DMD: variants seen among roughly 807,000 people sequenced by gnomAD.
DMD encodes mutant dystrophin.
DMD carries 63 observed loss-of-function variants against 330.1 expected under a neutral mutation model. The observed-to-expected ratio is 0.19, with a 90% CI of 0.16 to 0.24. DMD has a LOEUF of 0.24. Ranked by LOEUF, DMD falls within the 10% of genes least tolerant of loss-of-function variation. DMD has a pLI of 1.00. For synonymous variants in DMD, 1,223 were observed against 959.8 expected (o/e 1.27, Z -5.07); for missense variants, 3,344 against 2,684.1 (o/e 1.25, Z -5.43).
At chrX:32,835,135 A>C (rs1040105653) in intron 4 of DMD, among the ~76,000 whole-genome samples, 2 of 112,068 alleles carry the variant, frequency 1.8e-5, no homozygotes, top group African/African-American at 6.5e-5. Context: ...ATATCCAAGG[A>C]AAGTTTAAAT....
intron 2 of DMD, among the ~76,000 whole-genome samples, chrX:33,010,782 G>A (rs990963306): frequency 9.1e-6 from 1 of 110,337 alleles, no homozygotes; most frequent in South Asian, 3.8e-4. Context: ...TTCCTCAGTG[G>A]GGTTTCCTCC....
intron 21 of DMD, among the ~76,000 whole-genome samples, chrX:32,472,979 T>A (rs1178126516): frequency 1.8e-5 from 2 of 110,817 alleles, no homozygotes; most frequent in African/African-American, 3.3e-5. Context: ...ATATGTATAA[T>A]TATATTAGGG....
chrX:31,436,234 G>A (rs1013742358), intron 60 of DMD, among the ~76,000 whole-genome samples: 6 of 111,911 alleles, frequency 5.4e-5, no homozygotes, highest in African/African-American at 1.6e-4. Context: ...AAACAAATTA[G>A]AAATTAGTAT....
At chrX:31,542,061 A>C (rs771832537) in intron 55 of DMD, among the ~76,000 whole-genome samples, 16 of 112,095 alleles carry the variant, frequency 1.4e-4, no homozygotes, top group Non-Finnish European at 2.6e-4. Context: ...TCTATGGGAC[A>C]ACACTGTTCT....
At chrX:31,542,855 C>A (rs2073909529) in intron 55 of DMD, among the ~76,000 whole-genome samples, 1 of 112,889 alleles carries the variant, frequency 8.9e-6, no homozygotes, top group African/African-American at 3.2e-5. Flanking sequence ...GGGGCCACTG[C>A]GAATAGAGGG....
chrX:31,306,376 T>A (rs1312851505), intron 62 of DMD, among the ~76,000 whole-genome samples: 1 of 111,671 alleles, frequency 9.0e-6, no homozygotes, highest in Admixed American at 9.5e-5. Context: ...GCATACATAT[T>A]ATTTTATAAC....
intron 62 of DMD, among the ~76,000 whole-genome samples, chrX:31,289,755 GAAGT>G (rs1488153759): frequency 2.7e-5 from 3 of 110,932 alleles, no homozygotes; most frequent in Non-Finnish European, 3.8e-5. Context: ...AAAATTAAAT[GAAGT>G]AATATATGCA....
At position 32,365,124 on chromosome X, in the gene DMD, C is replaced by T; in HGVS notation, c.4921G>A (p.Val1641Ile). Residue 1641 changes from valine to isoleucine, a missense_variant, in exon 35 of 79, where the codon GTT becomes ATT. By Grantham distance (29) the Val-to-Ile change is conservative (BLOSUM62 3). Transcript: ENST00000357033. Reference protein sequence around the residue: ...ITEVGEALKTVLGKKETLVED... With the variant: ...ITEVGEALKTILGKKETLVED... ...ACCAACGTCTCCTTCTTGCCCAAAACTGTTTTCAAGGCCTCTCCTACCTCT... is the reference window on the plus strand; with the variant it reads ...ACCAACGTCTCCTTCTTGCCCAAAATTGTTTTCAAGGCCTCTCCTACCTCT... The T allele has an allele frequency of 1.7e-6, 2 of 1,211,052 alleles. No homozygotes were observed. Among genetic ancestry groups the T allele is most frequent in the Non-Finnish European group, 2.2e-6 (2 of 895,182 alleles).
chrX:32,885,042 T>C (rs2084383381), intron 2 of DMD, among the ~76,000 whole-genome samples: 1 of 111,942 alleles, frequency 8.9e-6, no homozygotes, highest in African/African-American at 3.2e-5. Context: ...CTTGCCAGAT[T>C]TGTAGGGATC....
intron 51 of DMD, among the ~76,000 whole-genome samples, chrX:31,757,814 C>T (rs182517477): frequency 2.7e-4 from 30 of 110,861 alleles, no homozygotes; most frequent in Admixed American, 2.3e-3. Context: ...TGGAAATTCC[C>T]GTGGCTAAAG....
intron 43 of DMD, among the ~76,000 whole-genome samples, chrX:32,227,520 G>A (rs148112768): frequency 0.011 from 1,178 of 106,510 alleles, 14 homozygotes; most frequent in African/African-American, 0.038. Context: ...GTACACATGC[G>A]CACAGAGTGT....
chrX:31,637,965 A>C (rs1024105742), intron 54 of DMD, among the ~76,000 whole-genome samples: 7 of 111,570 alleles, frequency 6.3e-5, no homozygotes, highest in Non-Finnish European at 1.1e-4. Flanking sequence ...CTTTCATCAA[A>C]TTTTATATTA....
intron 30 of DMD, among the ~76,000 whole-genome samples, chrX:32,398,513 G>T (rs775655662): frequency 7.3e-5 from 8 of 110,037 alleles, no homozygotes; most frequent in African/African-American, 2.6e-4. Flanking sequence ...CAAAAAAGTG[G>T]GTCAAAAATC....
intron 9 of DMD, among the ~76,000 whole-genome samples, chrX:32,684,020 C>CATACAT (rs1340774479): frequency 1.4e-5 from 1 of 73,562 alleles, no homozygotes; most frequent in Non-Finnish European, 2.3e-5. Context: ...CACATACATA[C>CATACAT]ACACACACAC....
intron 7 of DMD, among the ~76,000 whole-genome samples, chrX:32,740,251 G>A (rs2069072550): frequency 9.1e-6 from 1 of 110,319 alleles, no homozygotes; most frequent in Admixed American, 9.9e-5. Flanking sequence ...ATGAAGTTTG[G>A]CGGGAAGAAA....
At position 32,283,933 on chromosome X, in the gene DMD, C is replaced by T. The variant is rs1039738848; in HGVS notation, c.6290+3596G>A. The stretch of plus-strand genomic sequence containing the variant: ...CCCTAGTTGTAGAATGAGCGACACA[C>T]AGCAAGAATAAATAATTTAGATACT... On this transcript the variant is annotated intron_variant, in intron 43 of 78. Coordinates refer to ENST00000357033, the MANE Select transcript of DMD (RefSeq NM_004006.3). Among the ~76,000 whole-genome samples the T allele has an allele frequency of 2.7e-5, 3 of 111,268 alleles. 1 individual carries two copies. Among genetic ancestry groups the T allele is most frequent in the Admixed American group, 1.9e-4 (2 of 10,428 alleles).
intron 1 of DMD, among the ~76,000 whole-genome samples, chrX:33,102,345 T>G (rs2095248137): frequency 4.7e-5 from 5 of 107,141 alleles, no homozygotes; most frequent in Non-Finnish European, 5.8e-5. Context: ...TATTCCACTT[T>G]AAAAACTCAG....
intron 29 of DMD, among the ~76,000 whole-genome samples, chrX:32,436,602 C>A (rs943461632): frequency 1.8e-5 from 2 of 111,155 alleles, no homozygotes; most frequent in Admixed American, 1.9e-4. Flanking sequence ...AGAGTTAATA[C>A]CAAGATCAAG....
chrX:32,875,632 C>A (rs1376437956), intron 2 of DMD, among the ~76,000 whole-genome samples: 1 of 112,264 alleles, frequency 8.9e-6, no homozygotes, highest in Non-Finnish European at 1.9e-5. Flanking sequence ...TTATGGTCTA[C>A]TACTCCACTG....
Sources: allele counts gnomAD v4.1 joint callset (sites outside exome capture counted in the v4.1 genomes callset), GRCh38; gene constraint gnomAD v4.1.1; transcripts MANE v1.5; gene names NCBI Gene and HGNC (gene_info 2026-07-23, HGNC 2026-07-21).